Variants in CNTNAP3B observed in about 807,000 individuals in gnomAD.
The protein encoded by CNTNAP3B is contactin-associated protein-like 3B.
A neutral mutation model predicts 108.9 loss-of-function variants in CNTNAP3B; 25 were observed. The ratio of observed to expected loss-of-function variants is 0.23; its 90% CI spans 0.17 to 0.32. CNTNAP3B has a LOEUF of 0.32. Among genes scored for constraint, CNTNAP3B ranks in the 10% least tolerant of loss-of-function variants. The pLI is 1.00. For missense variants in CNTNAP3B, 252 were observed against 1,210.4 expected, an observed-to-expected ratio of 0.21 and a Z score of 11.75; for synonymous variants, 103 against 473.4, an observed-to-expected ratio of 0.22 and a Z score of 10.16.
At chr9:41,954,551 A>G (rs1453890127) in intron 12 of CNTNAP3B, among the ~76,000 whole-genome samples, 1 of 152,294 alleles carries the variant, frequency 6.6e-6, no homozygotes. Flanking sequence ...TAAATAACGA[A>G]TGCAATTTTA....
chr9:41,920,801 A>C (rs1215814676), intron 17 of CNTNAP3B, among the ~76,000 whole-genome samples: 2 of 152,308 alleles, frequency 1.3e-5, no homozygotes, highest in African/African-American at 4.8e-5. Flanking sequence ...GACTCTAAAA[A>C]TAAAGTGTGA....
At chr9:41,934,015 T>C (rs1277549184) in intron 14 of CNTNAP3B, among the ~76,000 whole-genome samples, 3 of 151,298 alleles carry the variant, frequency 2.0e-5, no homozygotes, top group Admixed American at 2.0e-4. Context: ...AAAATATTCT[T>C]ACCTGCTTCA....
At chr9:41,977,872 C>T (rs1477509504) in intron 9 of CNTNAP3B, among the ~76,000 whole-genome samples, 7 of 141,578 alleles carry the variant, frequency 4.9e-5, no homozygotes, top group African/African-American at 1.9e-4. Context: ...ACCTTGTGAT[C>T]CACCTGCCTA....
Position 42,099,449 on chromosome 9 carries a change from C to T in CNTNAP3B, c.196+5180G>A, listed in dbSNP as rs1283164793. Among the ~76,000 whole-genome samples the T allele has an allele frequency of 8.9e-5, 12 of 134,534 alleles. 1 individual carries two copies. In the South Asian group the frequency reaches 1.7e-3, roughly 19 times the overall value. The allele number at this position is 134,534 out of a possible 152,430, so 88.3% of individuals were successfully genotyped here. On this transcript the variant is annotated intron_variant, in intron 2 of 23. Coordinates refer to ENST00000377561, the MANE Select transcript of CNTNAP3B (RefSeq NM_001201380.3). The stretch of plus-strand genomic sequence containing the variant: ...AAGCTATAAACATAAGACACTTCTT[C>T]GGTTTCATCCATTTTGTAAACTCAT...
intron 10 of CNTNAP3B, among the ~76,000 whole-genome samples, chr9:41,969,744 A>T (rs1027710805): frequency 9.1e-5 from 13 of 142,552 alleles, no homozygotes; most frequent in African/African-American, 3.5e-4. Flanking sequence ...CAGCCTCCCC[A>T]GTAGCTGGGA....
chr9:42,118,096 T>C (rs200397884), intron 1 of CNTNAP3B, among the ~76,000 whole-genome samples: 55 of 133,244 alleles, frequency 4.1e-4, no homozygotes, highest in Non-Finnish European at 4.0e-4. Flanking sequence ...CTACCAGAGG[T>C]ACAAGGAGGA....
chr9:42,054,156 C>A (rs1180014041), intron 3 of CNTNAP3B, among the ~76,000 whole-genome samples: 1 of 99,642 alleles, frequency 1.0e-5, no homozygotes, highest in African/African-American at 3.8e-5. Flanking sequence ...CTTGTTGCAG[C>A]ACTTCTGTGC....
intron 12 of CNTNAP3B, among the ~76,000 whole-genome samples, chr9:41,956,579 A>G (rs1824867671): frequency 6.6e-6 from 1 of 150,970 alleles, no homozygotes; most frequent in African/African-American, 2.4e-5. Flanking sequence ...CCCAGAAGAA[A>G]AAAGAAAATA....
At chr9:42,016,523 G>A (rs1386647727) in intron 3 of CNTNAP3B, among the ~76,000 whole-genome samples, 250 of 143,714 alleles carry the variant, frequency 1.7e-3, no homozygotes, top group African/African-American at 5.9e-3. Context: ...TGACCACTAC[G>A]GACAAAAGAA....
chr9:41,916,092 A>T (rs1484835602), intron 18 of CNTNAP3B, among the ~76,000 whole-genome samples: 3,321 of 126,554 alleles, frequency 0.026, 15 homozygotes, highest in African/African-American at 0.044. Flanking sequence ...TGAGAAAAGA[A>T]ACAAGATCAA....
At position 42,118,751 on chromosome 9, in the gene CNTNAP3B, T is replaced by TGAC. The variant is rs1162880233; in HGVS notation, c.85+10256_85+10258dup. Among the ~76,000 whole-genome samples, 2 of 114,698 alleles carry TGAC rather than the reference T, an allele frequency of 1.7e-5. 1 individual carries two copies. The highest frequency in any genetic ancestry group is 3.6e-5 in the Non-Finnish European group (2 of 55,812). The allele number at this position is 114,698 out of a possible 152,430, so 75.2% of individuals were successfully genotyped here. ...AAGTCAAATTGTCCCTGTTTGCAGA[T>TGAC]GACATGATTGTGTATTTAGAAAACC... On this transcript the variant is annotated intron_variant, in intron 1 of 23. Transcript: ENST00000377561.
chr9:42,044,605 G>A (rs1200189422), intron 3 of CNTNAP3B, among the ~76,000 whole-genome samples: 7 of 139,720 alleles, frequency 5.0e-5, no homozygotes, highest in Non-Finnish European at 7.7e-5. Context: ...GAGTTTACAC[G>A]ACTCCTGAGG....
intron 12 of CNTNAP3B, among the ~76,000 whole-genome samples, chr9:41,954,530 A>T (rs1251897464): frequency 3.6e-4 from 55 of 152,410 alleles, no homozygotes; most frequent in African/African-American, 1.2e-3. Flanking sequence ...ACAGAAAAAA[A>T]TCTGCAAATT....
chr9:41,935,984 G>A (rs954902696), intron 14 of CNTNAP3B, among the ~76,000 whole-genome samples: 47 of 152,356 alleles, frequency 3.1e-4, no homozygotes, highest in Admixed American at 1.2e-3. Context: ...GTGGCTCCAA[G>A]TGATACGTTC....
chr9:41,926,154 A>C (rs1823813095), intron 15 of CNTNAP3B, among the ~76,000 whole-genome samples: 1 of 152,290 alleles, frequency 6.6e-6, no homozygotes, highest in East Asian at 1.9e-4. Context: ...CACAGGGTTC[A>C]TTACAGTCTT....
intron 18 of CNTNAP3B, among the ~76,000 whole-genome samples, chr9:41,917,885 G>A (rs1312255216): frequency 1.3e-5 from 2 of 151,854 alleles, no homozygotes; most frequent in Non-Finnish European, 2.9e-5. Flanking sequence ...TCCATATAGA[G>A]TGGAGCTTCC....
At chr9:41,957,668 T>C (rs1420688449) in intron 12 of CNTNAP3B, among the ~76,000 whole-genome samples, 1 of 151,924 alleles carries the variant, frequency 6.6e-6, no homozygotes, top group Non-Finnish European at 1.5e-5. Context: ...CATTACAGCT[T>C]TTTCCATATT....
intron 13 of CNTNAP3B, among the ~76,000 whole-genome samples, chr9:41,940,167 G>A (rs1412933650): frequency 6.6e-6 from 1 of 152,294 alleles, no homozygotes; most frequent in African/African-American, 2.4e-5. Flanking sequence ...AGAGAACAAA[G>A]TGTGCTGAAA....
rs1457172352 is a variant in CNTNAP3B, at chr9:42,112,291, G to A, written c.86-7552C>T. Among the ~76,000 whole-genome samples the A allele has an allele frequency of 1.4e-5, 2 of 139,388 alleles. 1 individual carries two copies. The highest frequency in any genetic ancestry group is 5.7e-5 in the African/African-American group (2 of 35,096). 91.4% of individuals were successfully genotyped at this position (139,388 alleles called of 152,430 possible). A position where few individuals can be genotyped will look rare whatever the true frequency, so the allele number is the denominator to read the frequency against. On this transcript the variant is annotated intron_variant, in intron 1 of 23. Transcript: ENST00000377561. ...TCACATGTGTGAAGGCCCCAGTAAG[G>A]CTTACTCTTCTGAAATACTGAGGTC...
Sources: gnomAD v4.1 joint callset for allele counts (sites outside exome capture counted in the v4.1 genomes callset) on GRCh38, gnomAD v4.1.1 for gene constraint, MANE v1.5 for transcripts, NCBI Gene and HGNC (gene_info 2026-07-23, HGNC 2026-07-21) for gene names.